Variants in PRKACB observed in about 807,000 individuals in gnomAD.
The protein encoded by PRKACB is cAMP-dependent protein kinase catalytic subunit beta.
In PRKACB, 16 loss-of-function variants were observed where a neutral mutation model predicts 51.4. The observed-to-expected ratio is 0.31, with a 90% CI of 0.21 to 0.47. The LOEUF is 0.47. Among genes scored for constraint, PRKACB ranks in the 20% least tolerant of loss-of-function variants. The pLI is 1.00. For missense variants in PRKACB, 309 were observed against 464.5 expected (o/e 0.67, Z 3.08); for synonymous variants, 147 against 154.4 (o/e 0.95, Z 0.35).
intron 1 of PRKACB, among the ~76,000 whole-genome samples, chr1:84,091,571 A>T (rs1043203571): frequency 1.3e-5 from 2 of 151,912 alleles, no homozygotes; most frequent in African/African-American, 4.8e-5. Context: ...TGGTGTGATC[A>T]TGAGTCCCTG....
At chr1:84,153,920 T>C (rs1264178245) in intron 1 of PRKACB, among the ~76,000 whole-genome samples, 7 of 152,170 alleles carry the variant, frequency 4.6e-5, no homozygotes, top group Non-Finnish European at 2.9e-5. Context: ...TGATAGTTCA[T>C]TTTTAATTTT....
At chr1:84,150,524 C>T (rs936212481) in intron 1 of PRKACB, among the ~76,000 whole-genome samples, 1 of 152,196 alleles carries the variant, frequency 6.6e-6, no homozygotes, top group Admixed American at 6.5e-5. Context: ...GGGGGAGGAT[C>T]TCTCATGAAT....
intron 1 of PRKACB, among the ~76,000 whole-genome samples, chr1:84,102,680 G>T (rs1367137942): frequency 6.6e-6 from 1 of 152,144 alleles, no homozygotes; most frequent in African/African-American, 2.4e-5. Context: ...AAGTGTACGG[G>T]CCCTCACCTA....
At chr1:84,136,266 A>C (rs1652797439) in intron 1 of PRKACB, among the ~76,000 whole-genome samples, 1 of 150,722 alleles carries the variant, frequency 6.6e-6, no homozygotes, top group Non-Finnish European at 1.5e-5. Flanking sequence ...TTTTCAGAAA[A>C]AGAAAGAATC....
At chr1:84,092,164 A>C (rs939566457) in intron 1 of PRKACB, among the ~76,000 whole-genome samples, 1 of 152,228 alleles carries the variant, frequency 6.6e-6, no homozygotes, top group African/African-American at 2.4e-5. Flanking sequence ...GATAAAGTGA[A>C]CACCCATGTG....
At chr1:84,159,321 T>A (rs1252440696) in intron 1 of PRKACB, among the ~76,000 whole-genome samples, 1 of 152,106 alleles carries the variant, frequency 6.6e-6, no homozygotes, top group Non-Finnish European at 1.5e-5. Flanking sequence ...TCTTTAGCGT[T>A]CCAGTCTTGT....
chr1:84,111,810 C>A (rs1650252191), intron 1 of PRKACB, among the ~76,000 whole-genome samples: 1 of 151,686 alleles, frequency 6.6e-6, no homozygotes, highest in East Asian at 1.9e-4. Context: ...AAAGACATAA[C>A]AACTAAATGC....
At chr1:84,197,000 A>T (rs1668411237) in intron 6 of PRKACB, among the ~76,000 whole-genome samples, 1 of 152,292 alleles carries the variant, frequency 6.6e-6, no homozygotes, top group East Asian at 1.9e-4. Flanking sequence ...TAAATCTATG[A>T]GCAGTTATTA....
chr1:84,159,067 G>T (rs1456054314), intron 1 of PRKACB, among the ~76,000 whole-genome samples: 1 of 152,082 alleles, frequency 6.6e-6, no homozygotes, highest in Non-Finnish European at 1.5e-5. Flanking sequence ...ATCACATAGT[G>T]TAAGTCCTCC....
chr1:84,156,483 G>A (rs960662206), intron 1 of PRKACB, among the ~76,000 whole-genome samples: 2 of 152,236 alleles, frequency 1.3e-5, no homozygotes, highest in Non-Finnish European at 1.5e-5. Context: ...TATGTCAAAG[G>A]ATTTCATTTC....
In PRKACB at chr1:84,181,519, GA is replaced by G. The variant is rs1663468921; in HGVS notation, c.250-674del. The stretch of plus-strand genomic sequence containing the variant: ...TCCTTATAACAAAACATCTATTCAA[GA>G]AAAAAAGAGTCTGATTATTGTTCTG... On this transcript the variant is annotated intron_variant, in intron 2 of 9. Coordinates refer to ENST00000370685, the MANE Select transcript of PRKACB (RefSeq NM_182948.4). The G allele has an allele frequency of 3.5e-5, 16 of 456,860 alleles. No homozygotes were observed. The South Asian group carries it at 1.5e-3, about 42-fold the overall frequency. 28.3% of individuals were successfully genotyped at this position (456,860 alleles called of 1,614,324 possible). A position where few individuals can be genotyped will look rare whatever the true frequency, so the allele number is the denominator to read the frequency against.
upstream of PRKACB, among the ~76,000 whole-genome samples, chr1:84,141,531 A>G (rs1472730711): frequency 3.3e-5 from 5 of 152,124 alleles, no homozygotes; most frequent in Non-Finnish European, 7.4e-5. Flanking sequence ...TAACAAATTG[A>G]AACAATTTTA....
At position 84,093,465 on chromosome 1, in the gene PRKACB, A is replaced by G. The variant is rs189901448; in HGVS notation, c.46+15094A>G. Among the ~76,000 whole-genome samples, 485 of 152,120 alleles carry G rather than the reference A, an allele frequency of 3.2e-3. 6 individuals carry two copies. Among genetic ancestry groups the G allele is most frequent in the African/African-American group, 0.011 (447 of 41,534 alleles). On this transcript the variant is annotated intron_variant, in intron 1 of 8. Transcript: ENST00000370688. ...ATCTGGTTTCCTTCTTTTCTGTTCCATTGGTTTTGTCTATTTTAGTGTCAG... is the reference window on the plus strand; with the variant it reads ...ATCTGGTTTCCTTCTTTTCTGTTCCGTTGGTTTTGTCTATTTTAGTGTCAG...
At chr1:84,227,938 G>A (rs1248740088) in intron 9 of PRKACB, among the ~76,000 whole-genome samples, 1 of 152,140 alleles carries the variant, frequency 6.6e-6, no homozygotes, top group Non-Finnish European at 1.5e-5. Context: ...GCAGAAGAAA[G>A]AAGTAGCCTG....
At chr1:84,201,173 A>G (rs1436671835) in intron 7 of PRKACB, among the ~76,000 whole-genome samples, 1 of 152,112 alleles carries the variant, frequency 6.6e-6, no homozygotes, top group African/African-American at 2.4e-5. Flanking sequence ...CACTTCTACC[A>G]TTAGTGTATT....
chr1:84,234,709 A>AG (rs1676442158), intron 9 of PRKACB, among the ~76,000 whole-genome samples: 7 of 152,186 alleles, frequency 4.6e-5, no homozygotes, highest in Admixed American at 4.6e-4. Context: ...TTCTTTGACT[A>AG]GGAAAGGGAA....
intron 1 of PRKACB, among the ~76,000 whole-genome samples, chr1:84,092,015 C>T (rs994726050): frequency 2.6e-5 from 4 of 152,012 alleles, no homozygotes; most frequent in Admixed American, 6.6e-5. Flanking sequence ...TGGTTTTTGT[C>T]GTAATCTACT....
In PRKACB at chr1:84,237,323, G is replaced by A. The variant is rs115681692; in HGVS notation, c.*2018G>A. ...TATGTAAACTACAAATTCTATGGTAGCTTTGTTGTATATTATTGTAAAATT... is the reference window on the plus strand; with the variant it reads ...TATGTAAACTACAAATTCTATGGTAACTTTGTTGTATATTATTGTAAAATT... On this transcript the variant is annotated 3_prime_UTR_variant, in exon 10 of 10. Coordinates refer to ENST00000370685, the MANE Select transcript of PRKACB (RefSeq NM_182948.4). 3.8e-4 allele frequency: 58 copies of A among 152,662 alleles called. No homozygotes were observed. Among genetic ancestry groups the A allele is most frequent in the Non-Finnish European group, 6.5e-4 (44 of 67,988 alleles). The allele number at this position is 152,662 out of a possible 1,614,324, so 9.5% of individuals were successfully genotyped here.
chr1:84,102,335 C>T (rs1163990264), intron 1 of PRKACB, among the ~76,000 whole-genome samples: 1 of 151,838 alleles, frequency 6.6e-6, no homozygotes, highest in African/African-American at 2.4e-5. Flanking sequence ...TGTAGTCAAC[C>T]GAGATTGCGC....
Sources: allele counts gnomAD v4.1 joint callset (sites outside exome capture counted in the v4.1 genomes callset), GRCh38; gene constraint gnomAD v4.1.1; transcripts MANE v1.5; gene names NCBI Gene and HGNC (gene_info 2026-07-23, HGNC 2026-07-21).